The following WFDC2 variants were observed in gnomAD, a reference collection of about 807,000 sequenced individuals.
WFDC2 encodes WAP four-disulfide core domain protein 2.
WFDC2 carries 8 observed loss-of-function variants against 12.5 expected under a neutral mutation model. That is an observed-to-expected ratio of 0.64 (90% CI 0.37 to 1.15). The LOEUF is 1.15. Among genes scored for constraint, WFDC2 ranks in the 50% most tolerant of loss-of-function variants. The probability of loss-of-function intolerance (pLI) is 0.01; values close to 1 mark genes in which losing one functional copy is unlikely to be tolerated. For missense variants in WFDC2, 166 were observed against 159.9 expected (o/e 1.04, Z -0.21); for synonymous variants, 74 against 67.2 (o/e 1.10, Z -0.49).
intron 2 of WFDC2, among the ~76,000 whole-genome samples, chr20:45,478,236 T>C (rs1262887299): frequency 4.6e-5 from 7 of 152,100 alleles, no homozygotes; most frequent in African/African-American, 1.7e-4. Flanking sequence ...GCTAGCTCAG[T>C]GTCTGCCCAA....
rs753433683 is a variant in WFDC2 at position 45,469,804 on chromosome 20, C to T, written c.23C>T (p.Pro8Leu). 2 of 1,610,174 alleles carry T rather than the reference C, an allele frequency of 1.2e-6. No homozygotes were observed. The highest frequency in any genetic ancestry group is 2.2e-5 in the East Asian group (1 of 44,758). ...ACCATGCCTGCTTGTCGCCTAGGCC[C>T]GCTAGCCGCCGCCCTCCTCCTCAGC... is the stretch of plus-strand genomic sequence containing the variant. MPACRLGPLAAALLLSLL... is the reference protein window; with the variant it reads MPACRLGLLAAALLLSLL... Residue 8 changes from proline (P) to leucine (L), a missense_variant, in exon 1 of 4, where the codon CCG becomes CTG. Coordinates refer to ENST00000372676, the MANE Select transcript of WFDC2 (RefSeq NM_006103.4).
intron 2 of WFDC2, chr20:45,479,494 T>C: frequency 3.2e-6 from 2 of 626,178 alleles, no homozygotes; most frequent in Non-Finnish European, 5.7e-6. Context: ...TAATATATGT[T>C]AGGGGCTTGA....
chr20:45,481,159 C>T (rs1008274464), intron 3 of WFDC2, among the ~76,000 whole-genome samples: 2 of 151,772 alleles, frequency 1.3e-5, no homozygotes, highest in Admixed American at 1.3e-4. Flanking sequence ...CACAGTATAC[C>T]CAGGTACCTG....
intron 2 of WFDC2, chr20:45,471,176 G>A (rs1291639055): frequency 2.1e-6 from 1 of 471,112 alleles, no homozygotes; most frequent in East Asian, 6.9e-5. Flanking sequence ...GTGATTCGAA[G>A]AAAGTGAGGA....
intron 2 of WFDC2, chr20:45,471,266 G>T: frequency 2.2e-6 from 1 of 445,054 alleles, no homozygotes. Context: ...AGCGCGAGCT[G>T]GGGACTCTCT....
At chr20:45,475,263 T>C (rs1213090241) in intron 2 of WFDC2, among the ~76,000 whole-genome samples, 1 of 152,198 alleles carries the variant, frequency 6.6e-6, no homozygotes, top group Non-Finnish European at 1.5e-5. Flanking sequence ...CTTTTAATTG[T>C]GATGTTAGGG....
chr20:45,469,777 G>A lies in WFDC2; in HGVS notation c.-5G>A, dbSNP rs746748464. The A allele has an allele frequency of 2.9e-5, 47 of 1,606,172 alleles. No individual in the cohort carries two copies. Among genetic ancestry groups the A allele is most frequent in the Non-Finnish European group, 3.8e-5 (45 of 1,176,616 alleles). On this transcript the variant is annotated 5_prime_UTR_variant, in exon 1 of 4. Coordinates refer to ENST00000372676, the MANE Select transcript of WFDC2 (RefSeq NM_006103.4). The stretch of plus-strand genomic sequence containing the variant: ...CACACCTGCACCCCGCCCGGGCATA[G>A]CACCATGCCTGCTTGTCGCCTAGGC...
chr20:45,469,922 G>A (rs1991144541), intron 1 of WFDC2, 62 bp downstream of exon 1: 1 of 1,553,406 alleles, frequency 6.4e-7, no homozygotes, highest in Admixed American at 1.9e-5. Flanking sequence ...CCAGGATGGA[G>A]CCAGGCGGAG....
At chr20:45,480,746 G>A (rs1991292143) in intron 3 of WFDC2, among the ~76,000 whole-genome samples, 1 of 152,190 alleles carries the variant, frequency 6.6e-6, no homozygotes, top group Non-Finnish European at 1.5e-5. Flanking sequence ...ATCCAATAGT[G>A]CAGAGATGAG....
chr20:45,477,848 G>C (rs1457934425), intron 2 of WFDC2, among the ~76,000 whole-genome samples: 1 of 152,200 alleles, frequency 6.6e-6, no homozygotes, highest in Non-Finnish European at 1.5e-5. Context: ...TTTTTTCAGA[G>C]ATGCCCTGCC....
chr20:45,478,014 C>T (rs1238741936), intron 2 of WFDC2, among the ~76,000 whole-genome samples: 1 of 152,194 alleles, frequency 6.6e-6, no homozygotes, highest in Non-Finnish European at 1.5e-5. Flanking sequence ...CCTCCCCCTA[C>T]CAAGCTTGAG....
Position 45,469,775 on chromosome 20 carries a change from T to C in WFDC2, c.-7T>C, listed in dbSNP as rs200042356. The C allele has an allele frequency of 2.3e-5, 35 of 1,512,044 alleles. No homozygotes were observed. In the East Asian group the frequency reaches 4.9e-4, roughly 21 times the overall value. The allele number at this position is 1,512,044 out of a possible 1,614,324, so 93.7% of individuals were successfully genotyped here. On this transcript the variant is annotated 5_prime_UTR_variant, in exon 1 of 4. Transcript: ENST00000372676. ...CTCACACCTGCACCCCGCCCGGGCA[T>C]AGCACCATGCCTGCTTGTCGCCTAG... is the stretch of plus-strand genomic sequence containing the variant.
intron 2 of WFDC2, among the ~76,000 whole-genome samples, chr20:45,471,720 A>G (rs578163193): frequency 2.4e-4 from 37 of 152,248 alleles, no homozygotes; most frequent in African/African-American, 8.7e-4. Flanking sequence ...TTGCTGTTTG[A>G]TGGATGAAGA....
intron 2 of WFDC2, among the ~76,000 whole-genome samples, chr20:45,471,673 C>T (rs1047536694): frequency 2.0e-5 from 3 of 152,070 alleles, no homozygotes; most frequent in African/African-American, 7.2e-5. Context: ...CAGGCAGCAG[C>T]CAGATGAGAG....
intron 2 of WFDC2, among the ~76,000 whole-genome samples, chr20:45,474,022 T>C (rs1991203745): frequency 6.6e-6 from 1 of 152,226 alleles, no homozygotes. Context: ...TTTTTGTACA[T>C]TGATTTGTAT....
intron 2 of WFDC2, among the ~76,000 whole-genome samples, chr20:45,476,773 CT>C (rs1249893327): frequency 6.6e-6 from 1 of 152,142 alleles, no homozygotes; most frequent in Non-Finnish European, 1.5e-5. Flanking sequence ...TGTTTTCCAA[CT>C]TGGTTCCATT....
intron 2 of WFDC2, among the ~76,000 whole-genome samples, chr20:45,473,406 G>C (rs940437832): frequency 1.3e-5 from 2 of 152,190 alleles, no homozygotes; most frequent in Admixed American, 1.3e-4. Context: ...CATATGGCTA[G>C]CCAGTTTTCC....
chr20:45,470,666 A>G lies in WFDC2; in HGVS notation c.223+134A>G. ...CGGGAAAGTCAAGGCGGTTGAAACC[A>G]GATCCGTCAGTCCTCTCCCTCGCAC... is the stretch of plus-strand genomic sequence containing the variant. On this transcript the variant is annotated intron_variant, in intron 2 of 3. Transcript: ENST00000372676. This position sits in a 1 kb window ranked among gnomAD's most constrained non-coding sequence, Gnocchi z 5.4. 1 of 1,250,796 alleles carries G rather than the reference A, an allele frequency of 8.0e-7. No individual in the cohort carries two copies. Among genetic ancestry groups the G allele is most frequent in the Non-Finnish European group, 1.1e-6 (1 of 929,008 alleles). 77.5% of individuals were successfully genotyped at this position (1,250,796 alleles called of 1,614,324 possible). A position where few individuals can be genotyped will look rare whatever the true frequency, so the allele number is the denominator to read the frequency against.
intron 2 of WFDC2, among the ~76,000 whole-genome samples, chr20:45,472,283 G>A (rs530910844): frequency 2.6e-5 from 4 of 151,976 alleles, no homozygotes; most frequent in East Asian, 3.9e-4. Flanking sequence ...CCAACCCCCC[G>A]ACAGGCCCTG....
Sources: gnomAD v4.1 joint callset for allele counts (sites outside exome capture counted in the v4.1 genomes callset) on GRCh38, gnomAD v4.1.1 for gene constraint, Gnocchi (gnomAD v3.1) non-coding constraint, MANE v1.5 for transcripts, NCBI Gene and HGNC (gene_info 2026-07-23, HGNC 2026-07-21) for gene names.